The following STIM2 variants were observed in gnomAD, a reference collection of about 807,000 sequenced individuals.
STIM2 encodes the protein stromal interaction molecule 2.
STIM2 carries 31 observed loss-of-function variants against 85.8 expected under a neutral mutation model. The observed-to-expected ratio is 0.36, with a 90% CI of 0.27 to 0.49. STIM2 has a LOEUF of 0.49. STIM2 is among the 20% of genes least tolerant of loss of function. STIM2 has a pLI of 0.98. For missense variants in STIM2, 841 were observed against 927.6 expected, an observed-to-expected ratio of 0.91 and a Z score of 1.21; for synonymous variants, 356 against 331.1, an observed-to-expected ratio of 1.08 and a Z score of -0.82.
chr4:26,953,092 G>A (rs1286587097), intron 2 of STIM2, among the ~76,000 whole-genome samples: 1 of 152,102 alleles, frequency 6.6e-6, no homozygotes, highest in Admixed American at 6.6e-5. Context: ...TTGATGACAG[G>A]TGTCGTTTGG....
At chr4:26,899,350 A>G (rs566606836) in intron 1 of STIM2, among the ~76,000 whole-genome samples, 1 of 152,206 alleles carries the variant, frequency 6.6e-6, no homozygotes, top group African/African-American at 2.4e-5. Context: ...AGAGCTTTAC[A>G]TTTATGTTCA....
chr4:26,981,138 A>C (rs906208286), intron 3 of STIM2, among the ~76,000 whole-genome samples: 2 of 152,176 alleles, frequency 1.3e-5, no homozygotes, highest in African/African-American at 4.8e-5. Flanking sequence ...TCTACATAAC[A>C]CTTACTAGAT....
intron 1 of STIM2, among the ~76,000 whole-genome samples, chr4:26,880,512 T>C (rs1432001265): frequency 6.6e-6 from 1 of 151,410 alleles, no homozygotes; most frequent in Non-Finnish European, 1.5e-5. Context: ...ACTCATGTAG[T>C]ATCTAGATAG....
chr4:26,901,928 G>A (rs1461318702), intron 1 of STIM2, among the ~76,000 whole-genome samples: 2 of 152,156 alleles, frequency 1.3e-5, no homozygotes, highest in African/African-American at 4.8e-5. Context: ...TATTAAGAGT[G>A]CAGAGTAGGA....
chr4:26,988,936 A>T (rs1560231504), intron 3 of STIM2, among the ~76,000 whole-genome samples: 1 of 151,980 alleles, frequency 6.6e-6, no homozygotes, highest in Non-Finnish European at 1.5e-5. Flanking sequence ...TTTAAATGAA[A>T]TTTTTCTTTG....
chr4:26,996,734 TA>T (rs1042460871), intron 4 of STIM2, among the ~76,000 whole-genome samples: 1 of 152,096 alleles, frequency 6.6e-6, no homozygotes, highest in Non-Finnish European at 1.5e-5. Context: ...AACAAGTTCT[TA>T]AATTAAAACA....
At chr4:26,917,320 C>T (rs1477084257) in intron 1 of STIM2, among the ~76,000 whole-genome samples, 1 of 152,230 alleles carries the variant, frequency 6.6e-6, no homozygotes, top group East Asian at 1.9e-4. Flanking sequence ...TTGTTAGGTT[C>T]ATAGTCCCCA....
intron 1 of STIM2, among the ~76,000 whole-genome samples, chr4:26,863,324 GAT>G (rs1029916846): frequency 1.8e-4 from 27 of 152,126 alleles, no homozygotes; most frequent in African/African-American, 6.0e-4. Flanking sequence ...TCAGAATATT[GAT>G]TTTTAACAAG....
At chr4:26,879,663 T>A (rs1157262345) in intron 1 of STIM2, among the ~76,000 whole-genome samples, 3 of 152,212 alleles carry the variant, frequency 2.0e-5, no homozygotes, top group African/African-American at 7.2e-5. Flanking sequence ...TCATAGATAG[T>A]AAAGAGAAGC....
chr4:27,001,605 A>G (rs140860137), intron 5 of STIM2, among the ~76,000 whole-genome samples: 315 of 152,266 alleles, frequency 2.1e-3, no homozygotes, highest in Admixed American at 4.7e-3. Context: ...GTGTTCAGCA[A>G]TACTTCTGAT....
chr4:26,866,246 G>A (rs1382497628), intron 1 of STIM2, among the ~76,000 whole-genome samples: 2 of 152,126 alleles, frequency 1.3e-5, no homozygotes, highest in Non-Finnish European at 1.5e-5. Context: ...TAGTAGATTA[G>A]GAAACATGCT....
intron 1 of STIM2, among the ~76,000 whole-genome samples, chr4:26,874,604 C>G (rs1722747910): frequency 6.6e-6 from 1 of 151,936 alleles, no homozygotes; most frequent in African/African-American, 2.4e-5. Flanking sequence ...CATATCTTTT[C>G]GAGTTTAGGG....
chr4:27,022,452 A>G (rs1317039821), intron 11 of STIM2, 67 bp from the exon 12 acceptor site: 1 of 1,275,910 alleles, frequency 7.8e-7, no homozygotes, highest in African/African-American at 1.5e-5. Flanking sequence ...TTTTAGTTAG[A>G]ATGTCTGCTA....
chr4:26,931,288 A>G (rs1725196924), intron 2 of STIM2, among the ~76,000 whole-genome samples: 1 of 152,108 alleles, frequency 6.6e-6, no homozygotes, highest in Admixed American at 6.5e-5. Context: ...TACTCATGGG[A>G]AGTGAGTTAC....
intron 11 of STIM2, chr4:27,019,414 C>T: frequency 7.8e-7 from 1 of 1,289,532 alleles, no homozygotes; most frequent in Non-Finnish European, 1.0e-6. Flanking sequence ...ATCATAGTCA[C>T]CAGCAAGATG....
intron 3 of STIM2, among the ~76,000 whole-genome samples, chr4:26,961,236 C>CTGTCT (rs1726447808): frequency 6.6e-6 from 1 of 152,110 alleles, no homozygotes; most frequent in Non-Finnish European, 1.5e-5. Flanking sequence ...GACAGAGGCT[C>CTGTCT]TGGCCAAATT....
intron 1 of STIM2, among the ~76,000 whole-genome samples, chr4:26,866,957 G>T (rs937984410): frequency 6.6e-6 from 1 of 152,140 alleles, no homozygotes; most frequent in African/African-American, 2.4e-5. Context: ...TAGGAGGTGA[G>T]AGGCATTGTG....
intron 8 of STIM2, chr4:27,007,986 G>C (rs1728426049): frequency 1.4e-6 from 1 of 717,788 alleles, no homozygotes; most frequent in Admixed American, 2.0e-5. Context: ...CCTCTAGGTT[G>C]CTGCTTCATA....
chr4:27,006,804 A>G (rs1577493082), intron 7 of STIM2, among the ~76,000 whole-genome samples: 1 of 152,226 alleles, frequency 6.6e-6, no homozygotes, highest in South Asian at 2.1e-4. Context: ...AGAAAAATCA[A>G]GTAGACTCTC....
Sources: gnomAD v4.1 joint callset for allele counts (sites outside exome capture counted in the v4.1 genomes callset) on GRCh38, gnomAD v4.1.1 for gene constraint, MANE v1.5 for transcripts, NCBI Gene and HGNC (gene_info 2026-07-23, HGNC 2026-07-21) for gene names.